ARID4B: variants seen among roughly 807,000 people sequenced by gnomAD.
ARID4B encodes the protein AT-rich interaction domain 4B, also known as AT-rich interactive domain-containing protein 4B.
ARID4B carries 26 observed loss-of-function variants against 147.5 expected under a neutral mutation model. The ratio of observed to expected loss-of-function variants is 0.18; its 90% CI spans 0.13 to 0.24. The LOEUF (loss-of-function observed/expected upper bound fraction) is 0.24. ARID4B is among the 10% of genes least tolerant of loss of function. The pLI is 1.00. For missense variants in ARID4B, 1,179 were observed against 1,511.5 expected, an observed-to-expected ratio of 0.78 and a Z score of 3.65; for synonymous variants, 512 against 507.9, an observed-to-expected ratio of 1.01 and a Z score of -0.11.
chr1:235,250,340 A>G (rs187346043), intron 6 of ARID4B, among the ~76,000 whole-genome samples: 1 of 152,306 alleles, frequency 6.6e-6, no homozygotes, highest in East Asian at 1.9e-4. Context: ...GGTCTTTCAA[A>G]AACGTTAAAA....
chr1:235,282,728 A>G (rs1310459200), intron 2 of ARID4B, among the ~76,000 whole-genome samples: 1 of 152,178 alleles, frequency 6.6e-6, no homozygotes, highest in African/African-American at 2.4e-5. Context: ...CTTAAAGACA[A>G]CCAAATTTAA....
intron 17 of ARID4B, among the ~76,000 whole-genome samples, chr1:235,210,737 T>C (rs896976885): frequency 2.6e-5 from 4 of 152,164 alleles, no homozygotes; most frequent in African/African-American, 9.7e-5. Context: ...TTCTCAGAAA[T>C]AGATGGCAAC....
chr1:235,226,910 C>A (rs1159222079), intron 11 of ARID4B, among the ~76,000 whole-genome samples: 1 of 152,160 alleles, frequency 6.6e-6, no homozygotes, highest in Non-Finnish European at 1.5e-5. Flanking sequence ...CTCAGGTGAT[C>A]CGCTAGCGTC....
At chr1:235,270,684 T>G (rs918999914) in intron 2 of ARID4B, among the ~76,000 whole-genome samples, 1 of 152,228 alleles carries the variant, frequency 6.6e-6, no homozygotes, top group Non-Finnish European at 1.5e-5. Flanking sequence ...GGCACTGTTC[T>G]AAGTATCAAA....
At position 235,238,858 on chromosome 1, in the gene ARID4B, GGA is replaced by G. The variant is rs199738216; in HGVS notation, c.585+1453_585+1454del. On this transcript the variant is annotated intron_variant, in intron 8 of 23. Transcript: ENST00000264183. Reference sequence around the variant, plus strand: ...TAACGGAGTAAGCCTCTGTCTCCGGGGAAAAAAAAAAAAAGTGGATCTCACTG... The same window carrying G: ...TAACGGAGTAAGCCTCTGTCTCCGGGAAAAAAAAAAAAGTGGATCTCACTG... Among the ~76,000 whole-genome samples the G allele has an allele frequency of 2.1e-3, 301 of 146,180 alleles. 2 individuals carry two copies. Among genetic ancestry groups the G allele is most frequent in the Middle Eastern group, 3.5e-3 (1 of 282 alleles).
chr1:235,233,581 G>A (rs1668375141), intron 9 of ARID4B, among the ~76,000 whole-genome samples: 1 of 152,126 alleles, frequency 6.6e-6, no homozygotes, highest in African/African-American at 2.4e-5. Context: ...GGCTTCTCTA[G>A]TCATATAATT....
chr1:235,221,252 C>A (rs188468787), intron 14 of ARID4B, among the ~76,000 whole-genome samples: 43 of 152,290 alleles, frequency 2.8e-4, no homozygotes, highest in Admixed American at 2.5e-3. Context: ...AAATAACTGG[C>A]CCTAGGGCAT....
intron 2 of ARID4B, among the ~76,000 whole-genome samples, chr1:235,271,405 G>A (rs560306402): frequency 3.3e-5 from 5 of 151,182 alleles, no homozygotes; most frequent in South Asian, 2.1e-4. Context: ...TGAGACAGGC[G>A]GATCATCTGC....
chr1:235,326,865 T>G (rs1428681497), intron 2 of ARID4B, 49 bp downstream of exon 2: 20 of 1,610,970 alleles, frequency 1.2e-5, no homozygotes, highest in Non-Finnish European at 1.7e-5. Flanking sequence ...AACCTCCTAC[T>G]TCCTGAATTC....
At chr1:235,297,399 A>G (rs1672814221) in intron 2 of ARID4B, among the ~76,000 whole-genome samples, 1 of 152,188 alleles carries the variant, frequency 6.6e-6, no homozygotes, top group African/African-American at 2.4e-5. Flanking sequence ...AAATTTTTAT[A>G]GCCTCCACTT....
intron 17 of ARID4B, among the ~76,000 whole-genome samples, chr1:235,199,061 T>C (rs1256765927): frequency 6.6e-6 from 1 of 152,080 alleles, no homozygotes; most frequent in Non-Finnish European, 1.5e-5. Context: ...ATCGCGCCAT[T>C]GCACTCCAGC....
chr1:235,213,813 A>G lies in ARID4B; in HGVS notation c.1797T>C (p.Gly599=), dbSNP rs982976001. The change falls in exon 17 of 24, where the codon GGT becomes GGC. Residue 599 remains glycine, a synonymous_variant. Coordinates refer to ENST00000264183, the MANE Select transcript of ARID4B (RefSeq NM_016374.6). ...EASIKDSDVE[G]GEVLYLVHYC... ...AATGCACCAAGTAAAGGACCTCTCC[A>G]CCTTCGACATCAGAATCTTTAATAC... 8.1e-6 allele frequency: 13 copies of G among 1,613,974 alleles called. No homozygotes were observed. Among genetic ancestry groups the G allele is most frequent in the Non-Finnish European group, 1.1e-5 (13 of 1,179,984 alleles).
intron 2 of ARID4B, among the ~76,000 whole-genome samples, chr1:235,302,866 C>T (rs528954848): frequency 6.6e-6 from 1 of 152,316 alleles, no homozygotes; most frequent in South Asian, 2.1e-4. Context: ...ACTTGCCTAA[C>T]ATCACAAGGC....
chr1:235,168,470 A>T lies in ARID4B; in HGVS notation c.*55T>A. The T allele has an allele frequency of 6.3e-7, 1 of 1,595,768 alleles. No individual in the cohort carries two copies. Among genetic ancestry groups the T allele is most frequent in the East Asian group, 2.2e-5 (1 of 44,460 alleles). On this transcript the variant is annotated 3_prime_UTR_variant, in exon 24 of 24. Coordinates refer to ENST00000264183, the MANE Select transcript of ARID4B (RefSeq NM_016374.6). ...TTTTTGTGCCACTGTGCAGTATAAA[A>T]AAAAAGTGGCCCTCAACAGCCATTA...
chr1:235,255,677 G>C lies in ARID4B; in HGVS notation c.257C>G (p.Ala86Gly), dbSNP rs1669938502. 3 of 1,607,102 alleles carry C rather than the reference G, an allele frequency of 1.9e-6. No homozygotes were observed. The highest frequency in any genetic ancestry group is 1.7e-6 in the Non-Finnish European group (2 of 1,176,200). ...QEAVINKLTD[A>G]SWYTVVFDDG... ...TTTCTTACCTACAGTGTACCAACTC[G>C]CATCTGTTAGTTTATTGATAACAGC... The change falls in exon 5 of 24, where the codon GCG becomes GGG. Residue 86 changes from alanine to glycine, a missense_variant. Ala to Gly is a moderately conservative substitution (Grantham distance 60). Coordinates refer to ENST00000264183, the MANE Select transcript of ARID4B (RefSeq NM_016374.6).
At chr1:235,258,016 G>C (rs1485055026) in intron 3 of ARID4B, among the ~76,000 whole-genome samples, 2 of 152,062 alleles carry the variant, frequency 1.3e-5, no homozygotes, top group African/African-American at 2.4e-5. Flanking sequence ...AGGTATGACT[G>C]TTCCCATTTT....
At chr1:235,246,316 G>A in intron 7 of ARID4B, 104 bp downstream of exon 7, 1 of 881,740 alleles carries the variant, frequency 1.1e-6, no homozygotes. Flanking sequence ...ATTACTATTA[G>A]ATCTGGTTAG....
chr1:235,190,094 T>C (rs1484015538), intron 19 of ARID4B: 1 of 154,388 alleles, frequency 6.5e-6, no homozygotes, highest in African/African-American at 2.4e-5. Flanking sequence ...ATCTGTTCTC[T>C]TCCTTTGGCC....
At chr1:235,255,219 C>CTA (rs370660682) in intron 5 of ARID4B, among the ~76,000 whole-genome samples, 19 of 127,560 alleles carry the variant, frequency 1.5e-4, no homozygotes, top group Non-Finnish European at 1.7e-4. Flanking sequence ...CTGCTGGGAG[C>CTA]TAGATAGATA....
Sources: allele counts gnomAD v4.1 joint callset (sites outside exome capture counted in the v4.1 genomes callset), GRCh38; gene constraint gnomAD v4.1.1; transcripts MANE v1.5; gene names NCBI Gene and HGNC (gene_info 2026-07-23, HGNC 2026-07-21).